Variants in MAST3 observed in about 807,000 individuals in gnomAD.
MAST3 encodes the protein microtubule associated serine/threonine kinase 3.
Under a neutral mutation model 127.0 loss-of-function variants are expected in MAST3, and 43 were observed. That is an observed-to-expected ratio of 0.34 (90% CI 0.27 to 0.44). The LOEUF (loss-of-function observed/expected upper bound fraction) is 0.44, where lower values mean the gene tolerates loss of function less well. MAST3 is among the 20% of genes least tolerant of loss of function. The pLI, the probability that MAST3 is intolerant of heterozygous loss-of-function variation, is 1.00. For missense variants in MAST3, 1,390 were observed against 1,919.1 expected (o/e 0.72, Z 5.15); for synonymous variants, 785 against 809.2 (o/e 0.97, Z 0.51).
intron 11 of MAST3, among the ~76,000 whole-genome samples, chr19:18,125,173 C>T (rs2040467641): frequency 6.6e-6 from 1 of 152,176 alleles, no homozygotes; most frequent in African/African-American, 2.4e-5. Context: ...GATTCCAGAA[C>T]CACCGCACTG....
rs977110059 is a variant in MAST3, at chr19:18,123,619, C to T, written c.597C>T (p.Val199=). 5.6e-6 allele frequency: 9 copies of T among 1,595,878 alleles called. No individual in the cohort carries two copies. Among genetic ancestry groups the T allele is most frequent in the Admixed American group, 3.5e-5 (2 of 57,124 alleles). The part of the protein sequence containing the change: ...RATGTFDNEI[V]MMNHVYRERF... ...CGGGGACCTTCGACAATGAGATTGT[C>T]ATGATGAATCACGTGTACCGGGAGA... Residue 199 remains valine, a synonymous_variant, in exon 8 of 28, where the codon GTC becomes GTT. Coordinates refer to ENST00000687212, the MANE Select transcript of MAST3 (RefSeq NM_001393504.1).
At chr19:18,107,004 C>T (rs1177949829) in intron 1 of MAST3, among the ~76,000 whole-genome samples, 5 of 85,572 alleles carry the variant, frequency 5.8e-5, no homozygotes, top group Non-Finnish European at 1.1e-4. Context: ...TTTGTAGAGA[C>T]GGGGTTTCAC....
chr19:18,141,903 C>T lies in MAST3; in HGVS notation c.2227C>T (p.Leu743=), dbSNP rs1437779256. The change falls in exon 21 of 28, where the codon CTG becomes TTG. Residue 743 remains leucine (L), a synonymous_variant. Coordinates refer to ENST00000687212, the MANE Select transcript of MAST3 (RefSeq NM_001393504.1). ...FSKVYSSSEF[L]AVQPTPTFAE... ...CCAGGTCTACAGCAGCTCTGAGTTC[C>T]TGGCCGTCCAGCCCACTCCTACCTT... 6.7e-7 allele frequency: 1 copy of T among 1,501,232 alleles called. No homozygotes were observed. The highest frequency in any genetic ancestry group is 8.9e-7 in the Non-Finnish European group (1 of 1,119,560). 93.0% of individuals were successfully genotyped at this position (1,501,232 alleles called of 1,614,324 possible). A position where few individuals can be genotyped will look rare whatever the true frequency, so the allele number is the denominator to read the frequency against.
intron 1 of MAST3, among the ~76,000 whole-genome samples, chr19:18,101,336 T>TCC (rs2037590455): frequency 2.1e-5 from 3 of 144,010 alleles, no homozygotes; most frequent in African/African-American, 5.2e-5. Flanking sequence ...TCCACTTATT[T>TCC]TCCTCCTCCT....
intron 3 of MAST3, among the ~76,000 whole-genome samples, chr19:18,115,587 TCACCATCTCTGGTGGTCTCAAAAC>T (rs533122920): frequency 6.6e-6 from 1 of 151,988 alleles, no homozygotes; most frequent in Non-Finnish European, 1.5e-5. Flanking sequence ...CCCATACTCA[TCACCATCTCTGGTGGTCTCAAAAC>T]CACCATCTCC....
chr19:18,118,057 C>T, intron 3 of MAST3: 3 of 979,650 alleles, frequency 3.1e-6, no homozygotes, highest in Non-Finnish European at 3.6e-6. Context: ...CCCCGCAGCC[C>T]CGTGCGCCCC....
At position 18,147,542 on chromosome 19, in the gene MAST3, G is replaced by A. The variant is rs746362529; in HGVS notation, c.3426G>A (p.Glu1142=). The A allele has an allele frequency of 1.6e-5, 25 of 1,604,770 alleles. No homozygotes were observed. Among genetic ancestry groups the A allele is most frequent in the Non-Finnish European group, 2.0e-5 (24 of 1,175,986 alleles). ...TCCACCACTCACTGTCATCCAGTGAGAGCCTCCCCGGCTCGCCCACCCACA... is the reference window on the plus strand; with the variant it reads ...TCCACCACTCACTGTCATCCAGTGAAAGCCTCCCCGGCTCGCCCACCCACA... ...SGLHHSLSSS[E]SLPGSPTHSL... is the part of the protein sequence containing the mutation. Residue 1142 remains glutamate, a synonymous_variant, in exon 27 of 28, where the codon GAG becomes GAA. Transcript: ENST00000687212.
At position 18,144,362 on chromosome 19, in the gene MAST3, G is replaced by A. The variant is rs2042818161; in HGVS notation, c.2585-104G>A. The A allele has an allele frequency of 7.0e-6, 7 of 1,006,930 alleles. No individual in the cohort carries two copies. The East Asian group carries it at 1.3e-4, about 19-fold the overall frequency. The allele number at this position is 1,006,930 out of a possible 1,614,324, so 62.4% of individuals were successfully genotyped here. ...GGAACTGCATGAGCAAAGGCCAGGA[G>A]GCTGGACTGTGTAAATAGTGACCAG... On this transcript the variant is annotated intron_variant, in intron 22 of 27. Transcript: ENST00000687212. This position sits in a 1 kb window ranked among gnomAD's most constrained non-coding sequence, Gnocchi z 4.0.
chr19:18,145,667 A>G lies in MAST3; in HGVS notation c.3040-76A>G. ...AGGCAGCAGCTTGCTGGGGTCCCAC[A>G]GCAGACCCAGCCTGGGCTGGGGTCC... On this transcript the variant is annotated intron_variant, in intron 24 of 27. Coordinates refer to ENST00000687212, the MANE Select transcript of MAST3 (RefSeq NM_001393504.1). The surrounding 1 kb of genome is among the most constrained non-coding windows in gnomAD (Gnocchi z 5.9). 1 of 1,459,960 alleles carries G rather than the reference A, an allele frequency of 6.8e-7. No individual in the cohort carries two copies. Among genetic ancestry groups the G allele is most frequent in the Non-Finnish European group, 9.1e-7 (1 of 1,103,826 alleles). 90.4% of individuals were successfully genotyped at this position (1,459,960 alleles called of 1,614,324 possible).
intron 19 of MAST3, among the ~76,000 whole-genome samples, chr19:18,138,209 A>G (rs1173220079): frequency 2.3e-3 from 2 of 870 alleles, no homozygotes; most frequent in Non-Finnish European, 4.9e-3. Context: ...AAACTGCCTG[A>G]AAAAAAAAAA....
chr19:18,132,452 G>C (rs1325111630), intron 15 of MAST3, among the ~76,000 whole-genome samples: 1 of 152,188 alleles, frequency 6.6e-6, no homozygotes, highest in East Asian at 1.9e-4. Context: ...CACAGAACAG[G>C]ATTATGCAAT....
At chr19:18,104,737 C>T (rs1234611683) in intron 1 of MAST3, among the ~76,000 whole-genome samples, 1 of 152,170 alleles carries the variant, frequency 6.6e-6, no homozygotes. Context: ...TTCCTCTGCA[C>T]CTAAGTTTCC....
chr19:18,132,093 GAGAGGATCAGGGGCGGGGCCAA>G, intron 15 of MAST3, 46 bp downstream of exon 15: 32 of 1,607,260 alleles, frequency 2.0e-5, no homozygotes, highest in Non-Finnish European at 2.4e-5. Context: ...GGCGGGGCCA[GAGAGGATCAGGGGCGGGGCCAA>G]AGAGGATCAG....
At position 18,144,348 on chromosome 19, in the gene MAST3, A is replaced by T; in HGVS notation, c.2585-118A>T. ...GAGTGCAGGAAGAGGGAACTGCATG[A>T]GCAAAGGCCAGGAGGCTGGACTGTG... On this transcript the variant is annotated intron_variant, in intron 22 of 27. Transcript: ENST00000687212. The surrounding 1 kb of genome is among the most constrained non-coding windows in gnomAD (Gnocchi z 4.0). 1 of 896,664 alleles carries T rather than the reference A, an allele frequency of 1.1e-6. No homozygotes were observed. Among genetic ancestry groups the T allele is most frequent in the Non-Finnish European group, 1.7e-6 (1 of 587,556 alleles). The allele number at this position is 896,664 out of a possible 1,614,324, so 55.5% of individuals were successfully genotyped here. A position where few individuals can be genotyped will look rare whatever the true frequency, so the allele number is the denominator to read the frequency against.
intron 3 of MAST3, among the ~76,000 whole-genome samples, chr19:18,114,918 C>T (rs575843427): frequency 1.3e-5 from 2 of 152,066 alleles, no homozygotes; most frequent in Admixed American, 6.6e-5. Context: ...AGGTGGGAAG[C>T]GCTGGGGTAG....
chr19:18,124,934 C>CCCT lies in MAST3; in HGVS notation c.1078+162_1078+163insTCC, dbSNP rs1024945701. 2.2e-5 allele frequency among the ~76,000 whole-genome samples: 3 copies of CCCT among 137,612 alleles called. No individual in the cohort carries two copies. In the East Asian group the frequency reaches 6.3e-4, roughly 29 times the overall value. 90.3% of individuals were successfully genotyped at this position (137,612 alleles called of 152,430 possible). A position where few individuals can be genotyped will look rare whatever the true frequency, so the allele number is the denominator to read the frequency against. On this transcript the variant is annotated intron_variant, in intron 11 of 27. Transcript: ENST00000687212. ...CAGCCTGGCCAACATGGTGGAAACC[C>CCCT]CCCCCCTACTAAAAATACAAAAATT...
chr19:18,107,648 T>C, intron 2 of MAST3, 30 bp downstream of exon 2: 1 of 1,604,952 alleles, frequency 6.2e-7, no homozygotes, highest in Non-Finnish European at 8.5e-7. Context: ...GCGGGCTGGG[T>C]GGGCCCCAGT....
chr19:18,129,643 C>T (rs999090786), intron 13 of MAST3, among the ~76,000 whole-genome samples: 14 of 152,128 alleles, frequency 9.2e-5, no homozygotes, highest in South Asian at 4.1e-4. Context: ...TTGGTGCTAG[C>T]GGTCTTTTAA....
intron 1 of MAST3, among the ~76,000 whole-genome samples, chr19:18,099,512 C>T (rs1300631793): frequency 6.6e-6 from 1 of 151,984 alleles, no homozygotes; most frequent in Non-Finnish European, 1.5e-5. Context: ...GTGGGGGGGT[C>T]AAACATTTCC....
Sources: gnomAD v4.1 joint callset for allele counts (sites outside exome capture counted in the v4.1 genomes callset) on GRCh38, gnomAD v4.1.1 for gene constraint, Gnocchi (gnomAD v3.1) non-coding constraint, MANE v1.5 for transcripts, NCBI Gene and HGNC (gene_info 2026-07-23, HGNC 2026-07-21) for gene names.